EIF3M: variants seen among roughly 807,000 people sequenced by gnomAD.
EIF3M encodes B5 receptor.
In EIF3M, 25 loss-of-function variants were observed where a neutral mutation model predicts 49.7. The observed-to-expected ratio is 0.50, with a 90% CI of 0.37 to 0.70. The LOEUF (loss-of-function observed/expected upper bound fraction) is 0.70. Among genes scored for constraint, EIF3M ranks in the 30% least tolerant of loss-of-function variants. EIF3M has a pLI of 0.00. For synonymous variants in EIF3M, 156 were observed against 149.8 expected (o/e 1.04, Z -0.30); for missense variants, 350 against 440.0 (o/e 0.80, Z 1.83).
In EIF3M at chr11:32,600,678, C is replaced by CT; in HGVS notation, c.800-10dup. The CT allele has an allele frequency of 6.3e-7, 1 of 1,599,036 alleles. No homozygotes were observed. Among genetic ancestry groups the CT allele is most frequent in the South Asian group, 1.1e-5 (1 of 88,394 alleles). On this transcript the variant is annotated splice_polypyrimidine_tract_variant and intron_variant, in intron 8 of 10. Coordinates refer to ENST00000531120, the MANE Select transcript of EIF3M (RefSeq NM_006360.6). ...TGAACACTCATCAGGCTTCACTATT[C>CT]TGTTTTCTAGGCCTGTTACATGAAC...
intron 2 of EIF3M, among the ~76,000 whole-genome samples, chr11:32,587,965 A>G (rs1447787629): frequency 1.3e-5 from 2 of 152,260 alleles, no homozygotes; most frequent in Admixed American, 6.5e-5. Flanking sequence ...ATATGTATAC[A>G]CAAAGTTTTC....
Position 32,589,597 on chromosome 11 carries a change from C to A in EIF3M, c.489C>A (p.Thr163=). 6.2e-7 allele frequency: 1 copy of A among 1,614,004 alleles called. No individual in the cohort carries two copies. The highest frequency in any genetic ancestry group is 2.2e-5 in the East Asian group (1 of 44,862). The change falls in exon 5 of 11, where the codon ACC becomes ACA. Residue 163 remains threonine, a synonymous_variant. Coordinates refer to ENST00000531120, the MANE Select transcript of EIF3M (RefSeq NM_006360.6). ...DWNLTTEKKH[T]LLRLLYEALV... ...ATCTCACCACTGAAAAAAAGCACAC[C>A]CTTTTAAGACTACTTTATGAGGCAC...
intron 5 of EIF3M, among the ~76,000 whole-genome samples, chr11:32,593,439 C>T (rs1388364651): frequency 2.0e-5 from 3 of 152,016 alleles, no homozygotes; most frequent in Non-Finnish European, 2.9e-5. Flanking sequence ...ACTTTTTTTG[C>T]GCCTAGGGCC....
At chr11:32,588,246 G>A (rs112627066) in intron 2 of EIF3M, among the ~76,000 whole-genome samples, 4,570 of 151,908 alleles carry the variant, frequency 0.03, 87 homozygotes, top group Non-Finnish European at 0.04. Flanking sequence ...AAAATTAGCC[G>A]GGCGTGGTGG....
At chr11:32,585,858 T>G (rs572855947) in intron 1 of EIF3M, among the ~76,000 whole-genome samples, 43 of 151,966 alleles carry the variant, frequency 2.8e-4, no homozygotes, top group African/African-American at 9.2e-4. Context: ...TTTTTTTGGC[T>G]TGGTCTAGAA....
chr11:32,602,561 C>A lies in EIF3M; in HGVS notation c.*162C>A. 2.3e-6 allele frequency: 2 copies of A among 869,832 alleles called. No homozygotes were observed. The highest frequency in any genetic ancestry group is 3.4e-6 in the Non-Finnish European group (2 of 589,868). The allele number at this position is 869,832 out of a possible 1,614,324, so 53.9% of individuals were successfully genotyped here. On this transcript the variant is annotated 3_prime_UTR_variant, in exon 11 of 11. Transcript: ENST00000531120. ...TGAAGTAATAAATTACAAGGGGTCA[C>A]AATGTCTGTCATACAATACATAAAT... is the stretch of plus-strand genomic sequence containing the variant.
chr11:32,589,365 G>A (rs537615119), intron 4 of EIF3M, among the ~76,000 whole-genome samples, 182 bp from the exon 5 acceptor site: 6 of 152,142 alleles, frequency 3.9e-5, no homozygotes, highest in Non-Finnish European at 7.4e-5. Flanking sequence ...TAGTAGAGAC[G>A]GGGTTTCTCT....
intron 5 of EIF3M, chr11:32,592,133 C>A: frequency 2.9e-6 from 1 of 342,328 alleles, no homozygotes; most frequent in East Asian, 7.7e-5. Context: ...AGCACCATAT[C>A]CTCCTCTTCC....
intron 2 of EIF3M, 132 bp from the exon 3 acceptor site, chr11:32,588,462 G>C (rs1404187308): frequency 1.2e-6 from 1 of 812,358 alleles, no homozygotes; most frequent in Non-Finnish European, 1.7e-6. Context: ...AAATATACAA[G>C]TTGCTTTCTG....
intron 5 of EIF3M, chr11:32,592,682 T>C: frequency 2.0e-6 from 1 of 506,994 alleles, no homozygotes; most frequent in Admixed American, 2.1e-5. Flanking sequence ...TAAAATGTTC[T>C]CTAAAACTAC....
At position 32,595,005 on chromosome 11, in the gene EIF3M, A is replaced by T; in HGVS notation, c.709A>T (p.Ile237Phe). 2 of 1,613,264 alleles carry T rather than the reference A, an allele frequency of 1.2e-6. No individual in the cohort carries two copies. Among genetic ancestry groups the T allele is most frequent in the Non-Finnish European group, 1.7e-6 (2 of 1,179,676 alleles). ...KPVKFLEGELIHDLLTIFVSA... is the reference protein window; with the variant it reads ...KPVKFLEGELFHDLLTIFVSA... The stretch of plus-strand genomic sequence containing the variant: ...AGTCAAGTTTTTGGAAGGCGAGCTT[A>T]TTCATGATGTAAGTAGTTTATCCTT... The change falls in exon 7 of 11, where the codon ATT becomes TTT. Residue 237 changes from isoleucine to phenylalanine, a missense_variant. Transcript: ENST00000531120.
intron 2 of EIF3M, among the ~76,000 whole-genome samples, chr11:32,588,076 GTC>G (rs1213580240): frequency 6.6e-6 from 1 of 152,064 alleles, no homozygotes; most frequent in Non-Finnish European, 1.5e-5. Context: ...ATGTAAATCA[GTC>G]TCTGTTTTAC....
intron 5 of EIF3M, chr11:32,592,728 A>C (rs1855122051): frequency 2.0e-6 from 1 of 501,964 alleles, no homozygotes; most frequent in African/African-American, 2.0e-5. Flanking sequence ...ACCAATAAAC[A>C]GTTTTTTTTA....
intron 5 of EIF3M, chr11:32,591,904 CA>C: frequency 7.4e-6 from 2 of 269,140 alleles, no homozygotes; most frequent in Non-Finnish European, 1.5e-5. Flanking sequence ...CTGTAATATC[CA>C]AAATCATTAT....
chr11:32,584,624 A>AAAAAAC, intron 1 of EIF3M, among the ~76,000 whole-genome samples: 1 of 151,280 alleles, frequency 6.6e-6, no homozygotes, highest in Admixed American at 6.6e-5. Context: ...AAAAAAAAAA[A>AAAAAAC]AAAAGATCAA....
At chr11:32,596,830 G>A (rs531105475) in intron 8 of EIF3M, among the ~76,000 whole-genome samples, 8 of 151,866 alleles carry the variant, frequency 5.3e-5, no homozygotes, top group South Asian at 2.1e-4. Flanking sequence ...ACTTGAACCC[G>A]GGAGGCAGAG....
At chr11:32,596,600 C>CAAAAAAAAAA (rs35206274) in intron 8 of EIF3M, among the ~76,000 whole-genome samples, 3 of 116,392 alleles carry the variant, frequency 2.6e-5, no homozygotes, top group African/African-American at 3.2e-5. Flanking sequence ...GAGTCTGTCT[C>CAAAAAAAAAA]AAAAAAAAAA....
chr11:32,601,894 T>C (rs879495926), intron 10 of EIF3M, 72 bp downstream of exon 10: 6 of 1,509,054 alleles, frequency 4.0e-6, no homozygotes, highest in Admixed American at 1.8e-5. Context: ...CTTAAATGTT[T>C]AGAGAACCAA....
At chr11:32,593,840 G>GT (rs767588758) in intron 5 of EIF3M, 26 bp from the exon 6 acceptor site, 7 of 1,517,512 alleles carry the variant, frequency 4.6e-6, no homozygotes. Flanking sequence ...ATGCTTTCAA[G>GT]TTCCTAAAGC....
Sources: gnomAD v4.1 joint callset for allele counts (sites outside exome capture counted in the v4.1 genomes callset) on GRCh38, gnomAD v4.1.1 for gene constraint, MANE v1.5 for transcripts, NCBI Gene and HGNC (gene_info 2026-07-23, HGNC 2026-07-21) for gene names.